TAF7L: variants seen among roughly 807,000 people sequenced by gnomAD.
TAF7L encodes transcription initiation factor TFIID subunit 7-like.
In TAF7L, 6 loss-of-function variants were observed where a neutral mutation model predicts 30.2. The observed-to-expected ratio is 0.20, with a 90% CI of 0.11 to 0.39. TAF7L has a LOEUF of 0.39. Among genes scored for constraint, TAF7L ranks in the 10% least tolerant of loss-of-function variants. TAF7L has a pLI of 1.00. For missense variants in TAF7L, 284 were observed against 277.1 expected, an observed-to-expected ratio of 1.03 and a Z score of -0.18; for synonymous variants, 93 against 94.5, an observed-to-expected ratio of 0.98 and a Z score of 0.09.
upstream of TAF7L, among the ~76,000 whole-genome samples, chrX:101,292,547 ACGC>A (rs1019139601): frequency 9.3e-6 from 1 of 108,030 alleles, no homozygotes; most frequent in African/African-American, 3.4e-5. Flanking sequence ...AGTGACAAAC[ACGC>A]CACCGTGCAA....
intron 1 of TAF7L, among the ~76,000 whole-genome samples, chrX:101,288,730 T>C (rs960389158): frequency 9.1e-6 from 1 of 110,230 alleles, no homozygotes; most frequent in Non-Finnish European, 1.9e-5. Flanking sequence ...ATATATACCT[T>C]TGGTGAAGTG....
rs1223229668 is a variant in TAF7L, at chrX:101,286,733, C to T, written c.67-80G>A. 8.2e-6 allele frequency: 6 copies of T among 727,819 alleles called. No homozygotes were observed. In the East Asian group the frequency reaches 2.0e-4, roughly 24 times the overall value. 60.0% of individuals were successfully genotyped at this position (727,819 alleles called of 1,213,427 possible). On this transcript the variant is annotated intron_variant, in intron 2 of 12. Transcript: ENST00000356784. ...AACAGAATAGATATATCAAAGAAAG[C>T]CCTCCCTTAAATAAAACTTTACACC...
chrX:101,288,131 T>C (rs1329183707), intron 1 of TAF7L, among the ~76,000 whole-genome samples: 2 of 109,751 alleles, frequency 1.8e-5, no homozygotes, highest in East Asian at 2.8e-4. Flanking sequence ...GGGGAAAAGT[T>C]AGGAGTCCAG....
intron 9 of TAF7L, among the ~76,000 whole-genome samples, chrX:101,277,283 A>G (rs989052875): frequency 9.5e-6 from 1 of 105,108 alleles, no homozygotes; most frequent in Non-Finnish European, 1.9e-5. Context: ...ACATGGTGAA[A>G]CCCCGACGCT....
upstream of TAF7L, chrX:101,292,965 G>A (rs777609488): frequency 1.7e-6 from 2 of 1,210,807 alleles, no homozygotes; most frequent in East Asian, 5.9e-5. Context: ...GTTCTTGTTG[G>A]CTAGTTACTT....
chrX:101,286,703 C>A (rs779350189), intron 2 of TAF7L, 50 bp from the exon 3 acceptor site: 2 of 967,286 alleles, frequency 2.1e-6, no homozygotes, highest in South Asian at 4.2e-5. Flanking sequence ...ATCTACTTGG[C>A]AGCTAACAGA....
upstream of TAF7L, among the ~76,000 whole-genome samples, chrX:101,292,246 A>G (rs1200083618): frequency 2.7e-5 from 1 of 37,264 alleles, no homozygotes; most frequent in African/African-American, 3.8e-4. Flanking sequence ...CTCAAAAAAA[A>G]AAAAATAAAT....
In TAF7L at chrX:101,269,239, T is replaced by C. The variant is rs368457170; in HGVS notation, c.1087-2A>G. ...CAACTGTTCCTGTAGGGAAATGAGC[T>C]GTAGGGAGAGGTAGAAAGACATGAA... On this transcript the variant is annotated splice_acceptor_variant, in intron 12 of 12. Transcript: ENST00000356784. LOFTEE classifies it high-confidence loss of function. 2.5e-6 allele frequency: 3 copies of C among 1,203,050 alleles called. No homozygotes were observed. The highest frequency in any genetic ancestry group is 3.4e-6 in the Non-Finnish European group (3 of 889,784).
chrX:101,269,250 G>C lies in TAF7L; in HGVS notation c.1087-13C>G, dbSNP rs372805234. The stretch of plus-strand genomic sequence containing the variant: ...GTAGGGAAATGAGCTGTAGGGAGAG[G>C]TAGAAAGACATGAAAAATTCATTTG... On this transcript the variant is annotated splice_polypyrimidine_tract_variant and intron_variant, in intron 12 of 12. Transcript: ENST00000356784. The C allele has an allele frequency of 3.4e-5, 40 of 1,193,803 alleles. No homozygotes were observed. The highest frequency in any genetic ancestry group is 4.5e-5 in the Non-Finnish European group (40 of 883,571).
intron 10 of TAF7L, 22 bp downstream of exon 10, chrX:101,276,285 C>A (rs373462337): frequency 5.8e-6 from 7 of 1,208,915 alleles, no homozygotes; most frequent in African/African-American, 1.8e-5. Context: ...CTGGTCCCAT[C>A]CCTTTGTTTT....
rs769717064 is a variant in TAF7L at position 101,288,804 on chromosome X, CAAT to C, written c.-2-1262_-2-1260del. Among the ~76,000 whole-genome samples the C allele has an allele frequency of 6.5e-4, 72 of 110,980 alleles. No homozygotes were observed. The East Asian group carries it at 0.012, about 19-fold the overall frequency. Reference sequence around the variant, plus strand: ...TAATCATATATAATTATGGGGTACACAATGATGTTATGATATAGTGTGAAATGA... The same window carrying C: ...TAATCATATATAATTATGGGGTACACGATGTTATGATATAGTGTGAAATGA... On this transcript the variant is annotated intron_variant, in intron 1 of 12. Coordinates refer to ENST00000356784, the MANE Select transcript of TAF7L (RefSeq NM_001168474.2).
chrX:101,292,247 A>T (rs1211929339), upstream of TAF7L, among the ~76,000 whole-genome samples: 2 of 36,831 alleles, frequency 5.4e-5, no homozygotes, highest in African/African-American at 7.8e-4. Flanking sequence ...TCAAAAAAAA[A>T]AAAATAAATA....
intron 2 of TAF7L, 125 bp from the exon 3 acceptor site, chrX:101,286,778 G>A (rs1001699481): frequency 2.1e-6 from 1 of 471,626 alleles, no homozygotes; most frequent in South Asian, 3.4e-5. Context: ...TTACTAACAA[G>A]ACCATGTACC....
At chrX:101,292,421 A>G (rs1274819582), upstream of TAF7L, among the ~76,000 whole-genome samples, 2 of 87,574 alleles carry the variant, frequency 2.3e-5, no homozygotes, top group Non-Finnish European at 4.4e-5. Context: ...CCTGGGCAAC[A>G]AGAGCGAAAC....
intron 4 of TAF7L, 141 bp downstream of exon 4, chrX:101,283,309 C>T: frequency 1.5e-6 from 1 of 671,074 alleles, no homozygotes; most frequent in Non-Finnish European, 2.3e-6. Context: ...CATGACATTT[C>T]ATTCCTGTGC....
At chrX:101,283,708 T>C in intron 3 of TAF7L, 125 bp from the exon 4 acceptor site, 1 of 714,744 alleles carries the variant, frequency 1.4e-6, no homozygotes, top group Non-Finnish European at 2.1e-6. Flanking sequence ...TCTCTCATAA[T>C]GCTAGAATTG....
chrX:101,273,374 G>A (rs766987517), intron 12 of TAF7L, among the ~76,000 whole-genome samples: 2 of 111,389 alleles, frequency 1.8e-5, no homozygotes, highest in East Asian at 2.9e-4. Flanking sequence ...TGGATCACGA[G>A]GTCAGGAGAT....
intron 3 of TAF7L, among the ~76,000 whole-genome samples, chrX:101,284,871 TTTATTTAC>T (rs1194633005): frequency 9.0e-5 from 10 of 111,332 alleles, no homozygotes; most frequent in Non-Finnish European, 1.9e-4. Flanking sequence ...CATTTATTTA[TTTATTTAC>T]TTATTTACTT....
chrX:101,287,082 TTGAGA>T (rs1924631380), intron 2 of TAF7L, among the ~76,000 whole-genome samples: 1 of 111,868 alleles, frequency 8.9e-6, no homozygotes, highest in African/African-American at 3.2e-5. Flanking sequence ...CAAATACTTG[TTGAGA>T]TGAGCTTTAA....
Sources: allele counts gnomAD v4.1 joint callset (sites outside exome capture counted in the v4.1 genomes callset), GRCh38; gene constraint gnomAD v4.1.1; transcripts MANE v1.5; gene names NCBI Gene and HGNC (gene_info 2026-07-23, HGNC 2026-07-21).